The following INO80 variants were observed in gnomAD, a reference collection of about 807,000 sequenced individuals.
INO80 encodes the protein chromatin-remodeling ATPase INO80.
Under a neutral mutation model 203.4 loss-of-function variants are expected in INO80, and 20 were observed. The ratio of observed to expected loss-of-function variants is 0.10; its 90% CI spans 0.07 to 0.14. The LOEUF (loss-of-function observed/expected upper bound fraction) is 0.14. Ranked by LOEUF, INO80 falls within the 10% of genes least tolerant of loss-of-function variation. The pLI, the probability that INO80 is intolerant of heterozygous loss-of-function variation, is 1.00. For synonymous variants in INO80, 726 were observed against 685.2 expected (o/e 1.06, Z -0.93); for missense variants, 1,419 against 1,914.4 (o/e 0.74, Z 4.83).
intron 1 of INO80, among the ~76,000 whole-genome samples, chr15:41,104,803 G>C (rs1339182264): frequency 6.6e-6 from 1 of 152,026 alleles, no homozygotes; most frequent in Non-Finnish European, 1.5e-5. Context: ...GCCTCCCAAA[G>C]TGCTGGAATT....
At chr15:41,096,442 A>G in intron 1 of INO80, 89 bp from the exon 2 acceptor site, 1 of 892,872 alleles carries the variant, frequency 1.1e-6, no homozygotes, top group Non-Finnish European at 1.6e-6. Context: ...AAGAGAAATC[A>G]GACCTTCTAG....
chr15:41,072,954 G>C (rs1430081283), intron 11 of INO80, among the ~76,000 whole-genome samples: 1 of 151,736 alleles, frequency 6.6e-6, no homozygotes, highest in East Asian at 1.9e-4. Flanking sequence ...CTAATTTTTT[G>C]TATTTTAGTA....
chr15:41,078,634 T>C (rs2045439806), intron 9 of INO80, among the ~76,000 whole-genome samples: 1 of 152,212 alleles, frequency 6.6e-6, no homozygotes, highest in Non-Finnish European at 1.5e-5. Context: ...CACTTTGACA[T>C]GAGTTACTAC....
At chr15:40,983,115 A>T (rs1596230401) in intron 34 of INO80, 38 bp from the exon 35 acceptor site, 1 of 1,538,786 alleles carries the variant, frequency 6.5e-7, no homozygotes, top group Middle Eastern at 1.7e-4. Context: ...AAGAAAAAAA[A>T]AAAAAGTCAA....
chr15:41,112,766 G>A (rs1455730259), intron 1 of INO80, among the ~76,000 whole-genome samples: 2 of 102,146 alleles, frequency 2.0e-5, no homozygotes, highest in East Asian at 6.8e-4. Context: ...CCAGCCTGGC[G>A]ACAGGGCAAG....
intron 19 of INO80, among the ~76,000 whole-genome samples, chr15:41,053,643 G>C (rs59876144): frequency 2.6e-4 from 40 of 152,236 alleles, no homozygotes; most frequent in African/African-American, 9.6e-4. Flanking sequence ...GAGAGAGGTA[G>C]AGTTAATGAT....
At chr15:41,070,748 A>G (rs1483179359) in intron 12 of INO80, among the ~76,000 whole-genome samples, 6 of 152,254 alleles carry the variant, frequency 3.9e-5, no homozygotes, top group Non-Finnish European at 8.8e-5. Context: ...GATACATGAG[A>G]CAGGGCAAGG....
chr15:41,028,606 T>C (rs1238593335), intron 24 of INO80, among the ~76,000 whole-genome samples: 2 of 152,210 alleles, frequency 1.3e-5, no homozygotes, highest in African/African-American at 4.8e-5. Flanking sequence ...ATCAAAAATG[T>C]ATTTTAGGCC....
rs2046030464 is a variant in INO80, at chr15:41,116,018, CGGGGTGCGGGCGGGGTCCGGAGGGG to C, written c.-114_-90del. 5 of 391,194 alleles carry C rather than the reference CGGGGTGCGGGCGGGGTCCGGAGGGG, an allele frequency of 1.3e-5. No homozygotes were observed. Among genetic ancestry groups the C allele is most frequent in the Non-Finnish European group, 2.3e-5 (5 of 221,282 alleles). 24.2% of individuals were successfully genotyped at this position (391,194 alleles called of 1,614,324 possible). On this transcript the variant is annotated 5_prime_UTR_variant, in exon 1 of 36. An upstream open reading frame in the 5' UTR loses its in-frame stop. Coordinates refer to ENST00000648947, the MANE Select transcript of INO80 (RefSeq NM_017553.3). ...CGCCGCGACGGCGGCGGAGGGGGGG[CGGGGTGCGGGCGGGGTCCGGAGGGG>C]GGGGTCGCCCCGCCGACGGTGGAGC...
intron 12 of INO80, 149 bp from the exon 13 acceptor site, chr15:41,070,696 G>T (rs1212621308): frequency 1.5e-6 from 1 of 658,120 alleles, no homozygotes. Flanking sequence ...CACTGCTATA[G>T]TAATTGCTTT....
At chr15:41,074,275 T>A in intron 10 of INO80, 95 bp downstream of exon 10, 1 of 747,346 alleles carries the variant, frequency 1.3e-6, no homozygotes, top group South Asian at 2.7e-5. Context: ...AAATTACCTA[T>A]GAATCAATAA....
chr15:41,077,210 T>A (rs1170370941), intron 9 of INO80, among the ~76,000 whole-genome samples: 2 of 119,610 alleles, frequency 1.7e-5, no homozygotes, highest in African/African-American at 4.7e-5. Flanking sequence ...CCCAGCCTTG[T>A]TTGCTTTATT....
intron 24 of INO80, among the ~76,000 whole-genome samples, chr15:41,036,352 G>A (rs950294871): frequency 1.3e-5 from 2 of 151,842 alleles, no homozygotes; most frequent in Admixed American, 6.6e-5. Flanking sequence ...AACCTCTATT[G>A]CAAGTTTCTA....
chr15:41,078,985 A>G (rs1047928503), intron 9 of INO80, among the ~76,000 whole-genome samples: 4 of 152,158 alleles, frequency 2.6e-5, no homozygotes, highest in African/African-American at 9.7e-5. Context: ...TACTAAAAAT[A>G]CAAAAAATTA....
chr15:41,000,238 C>T (rs926437621), intron 28 of INO80, among the ~76,000 whole-genome samples: 1 of 152,130 alleles, frequency 6.6e-6, no homozygotes, highest in Non-Finnish European at 1.5e-5. Context: ...TTGATGGGGT[C>T]ATCCAATGGC....
intron 24 of INO80, among the ~76,000 whole-genome samples, chr15:41,036,155 C>CGAA (rs2044569909): frequency 1.5e-4 from 2 of 13,244 alleles, no homozygotes; most frequent in Non-Finnish European, 3.1e-4. Flanking sequence ...AACTCTCTCT[C>CGAA]GAAAAAAAAA....
In INO80 at chr15:41,036,368, T is replaced by G. The variant is rs566589884; in HGVS notation, c.2907+8536A>C. 8.5e-5 allele frequency among the ~76,000 whole-genome samples: 13 copies of G among 152,140 alleles called. 1 individual carries two copies. Among genetic ancestry groups the G allele is most frequent in the African/African-American group, 3.1e-4 (13 of 41,494 alleles). On this transcript the variant is annotated intron_variant, in intron 24 of 35. Transcript: ENST00000648947. ...ACCTCTATTGCAAGTTTCTATAGAT[T>G]CACTTCTCTCTGGTGTTCCTTACTA... is the stretch of plus-strand genomic sequence containing the variant.
At chr15:41,076,238 G>A (rs896012699) in intron 9 of INO80, among the ~76,000 whole-genome samples, 2 of 152,048 alleles carry the variant, frequency 1.3e-5, no homozygotes, top group African/African-American at 4.8e-5. Context: ...GCAGGCGCCT[G>A]TAATCCCAGC....
chr15:41,043,554 G>A (rs993291112), intron 24 of INO80, among the ~76,000 whole-genome samples: 1 of 152,220 alleles, frequency 6.6e-6, no homozygotes, highest in African/African-American at 2.4e-5. Context: ...AGGAAATCAT[G>A]TGAGCTTTTC....
Sources: allele counts gnomAD v4.1 joint callset (sites outside exome capture counted in the v4.1 genomes callset), GRCh38; gene constraint gnomAD v4.1.1; transcripts MANE v1.5; gene names NCBI Gene and HGNC (gene_info 2026-07-23, HGNC 2026-07-21).